CDNF: variants seen among roughly 807,000 people sequenced by gnomAD.
CDNF encodes ARMET-like protein 1.
A neutral mutation model predicts 14.8 loss-of-function variants in CDNF; 9 were observed. The observed-to-expected ratio is 0.61, with a 90% CI of 0.37 to 1.06. The LOEUF is 1.06. Among genes scored for constraint, CDNF ranks in the 50% least tolerant of loss-of-function variants. The probability of loss-of-function intolerance (pLI) is 0.01; values close to 1 mark genes in which losing one functional copy is unlikely to be tolerated. For missense variants in CDNF, 228 were observed against 228.4 expected (o/e 1.00, Z 0.01); for synonymous variants, 86 against 87.2 (o/e 0.99, Z 0.07).
At position 14,836,950 on chromosome 10, in the gene CDNF, A is replaced by C. The variant is rs189685206; in HGVS notation, c.115+882T>G. Among the ~76,000 whole-genome samples the C allele has an allele frequency of 1.0e-3, 157 of 152,274 alleles. 1 individual carries two copies. The highest frequency in any genetic ancestry group is 1.7e-3 in the Non-Finnish European group (118 of 68,028). On this transcript the variant is annotated intron_variant, in intron 1 of 3. Coordinates refer to ENST00000465530, the MANE Select transcript of CDNF (RefSeq NM_001029954.3). ...CTCAAAACAAAAACAAAAACAAAAA[A>C]CAAAACAACAAAACAAACAAAAACA...
At chr10:14,831,878 T>C (rs1418249590) in intron 1 of CDNF, among the ~76,000 whole-genome samples, 1 of 152,144 alleles carries the variant, frequency 6.6e-6, no homozygotes, top group Non-Finnish European at 1.5e-5. Flanking sequence ...CTAGCCCATA[T>C]ATTTTTATTT....
chr10:14,830,830 G>T (rs1833838535), intron 1 of CDNF, among the ~76,000 whole-genome samples: 1 of 152,144 alleles, frequency 6.6e-6, no homozygotes, highest in Non-Finnish European at 1.5e-5. Context: ...TGGGCGACAA[G>T]AGTGAAACTC....
In CDNF at chr10:14,837,815, G is replaced by C. The variant is rs901442962; in HGVS notation, c.115+17C>G. On this transcript the variant is annotated intron_variant, in intron 1 of 3. Coordinates refer to ENST00000465530, the MANE Select transcript of CDNF (RefSeq NM_001029954.3). ...GCGCGGGGCCGCCGCCATGCAAGCA[G>C]TTGTCACACCGCTCACCTTCACAGT... The C allele has an allele frequency of 2.0e-6, 3 of 1,513,614 alleles. No homozygotes were observed. Among genetic ancestry groups the C allele is most frequent in the Non-Finnish European group, 2.7e-6 (3 of 1,111,248 alleles). The allele number at this position is 1,513,614 out of a possible 1,614,324, so 93.8% of individuals were successfully genotyped here.
At chr10:14,826,774 T>C (rs1833800242) in intron 2 of CDNF, among the ~76,000 whole-genome samples, 1 of 152,196 alleles carries the variant, frequency 6.6e-6, no homozygotes, top group Non-Finnish European at 1.5e-5. Context: ...TATCTGTATT[T>C]TATACCCAAG....
At chr10:14,836,194 G>A (rs1467181155) in intron 1 of CDNF, 1 of 152,216 alleles carries the variant, frequency 6.6e-6, no homozygotes, top group Non-Finnish European at 1.5e-5. Context: ...GCTGAGGAGG[G>A]AGGATCACTC....
intron 3 of CDNF, among the ~76,000 whole-genome samples, chr10:14,823,004 T>C (rs1483350021): frequency 6.6e-6 from 1 of 152,202 alleles, no homozygotes; most frequent in Non-Finnish European, 1.5e-5. Flanking sequence ...TCCACACTTA[T>C]CTTGCTTGTT....
intron 1 of CDNF, among the ~76,000 whole-genome samples, chr10:14,832,431 T>G (rs567797040): frequency 6.6e-6 from 1 of 152,352 alleles, no homozygotes; most frequent in South Asian, 2.1e-4. Flanking sequence ...GATGTCACTC[T>G]GAGAAGGGAA....
rs1461550798 is a variant in CDNF, at chr10:14,819,531, T to C, written c.*449A>G. On this transcript the variant is annotated 3_prime_UTR_variant, in exon 4 of 4. Coordinates refer to ENST00000465530, the MANE Select transcript of CDNF (RefSeq NM_001029954.3). ...TACAATATAGAGTGAAAACAGAAAATTCACTTGAAAAAAACTTTTGATTCT... is the reference window on the plus strand; with the variant it reads ...TACAATATAGAGTGAAAACAGAAAACTCACTTGAAAAAAACTTTTGATTCT... The C allele has an allele frequency of 1.3e-5, 2 of 153,094 alleles. No individual in the cohort carries two copies. Among genetic ancestry groups the C allele is most frequent in the African/African-American group, 4.8e-5 (2 of 41,458 alleles). 9.5% of individuals were successfully genotyped at this position (153,094 alleles called of 1,614,324 possible). A position where few individuals can be genotyped will look rare whatever the true frequency, so the allele number is the denominator to read the frequency against.
chr10:14,824,486 A>C (rs1833762823), intron 3 of CDNF, among the ~76,000 whole-genome samples: 1 of 151,832 alleles, frequency 6.6e-6, no homozygotes, highest in Non-Finnish European at 1.5e-5. Context: ...CATGCCTGTA[A>C]TCCCAGCTAC....
chr10:14,822,480 G>A (rs1833745583), intron 3 of CDNF, among the ~76,000 whole-genome samples: 1 of 152,158 alleles, frequency 6.6e-6, no homozygotes, highest in Non-Finnish European at 1.5e-5. Flanking sequence ...GGAGGCTGAG[G>A]CAGGAGAATC....
intron 1 of CDNF, among the ~76,000 whole-genome samples, chr10:14,831,025 T>A (rs1833839815): frequency 6.6e-6 from 1 of 152,194 alleles, no homozygotes; most frequent in Admixed American, 6.5e-5. Context: ...TTATGAGTTA[T>A]CAAGAAAGTT....
chr10:14,826,482 A>AAAGAAGAAG (rs111933790), intron 2 of CDNF, among the ~76,000 whole-genome samples: 11 of 141,016 alleles, frequency 7.8e-5, no homozygotes, highest in African/African-American at 2.6e-4. Context: ...AGAAGAAGAA[A>AAAGAAGAAG]AAGAAGAAGA....
intron 3 of CDNF, among the ~76,000 whole-genome samples, chr10:14,824,367 A>T (rs1833761865): frequency 6.6e-6 from 1 of 152,128 alleles, no homozygotes; most frequent in Admixed American, 6.5e-5. Flanking sequence ...GCACTTTGAG[A>T]GGACAAGGCA....
chr10:14,825,056 C>T (rs1201603148), intron 3 of CDNF, among the ~76,000 whole-genome samples: 2 of 151,814 alleles, frequency 1.3e-5, no homozygotes, highest in East Asian at 1.9e-4. Context: ...CGGGTTCAAG[C>T]GATTCTCCTG....
intron 1 of CDNF, among the ~76,000 whole-genome samples, chr10:14,832,191 G>A (rs1264049776): frequency 6.6e-6 from 1 of 152,210 alleles, no homozygotes; most frequent in Admixed American, 6.5e-5. Flanking sequence ...ACACCTGAAG[G>A]AAGTGGAAGA....
intron 1 of CDNF, among the ~76,000 whole-genome samples, chr10:14,835,419 A>G (rs1833878419): frequency 1.3e-5 from 2 of 152,222 alleles, no homozygotes; most frequent in African/African-American, 4.8e-5. Flanking sequence ...CATGAAGAGA[A>G]GGCAGTCTCT....
chr10:14,825,701 C>T, intron 2 of CDNF, 81 bp from the exon 3 acceptor site: 1 of 1,467,030 alleles, frequency 6.8e-7, no homozygotes, highest in Non-Finnish European at 9.4e-7. Context: ...AATACAGTAT[C>T]AAGAAGAAAG....
At chr10:14,828,474 C>A (rs1292392710) in intron 1 of CDNF, among the ~76,000 whole-genome samples, 2 of 151,880 alleles carry the variant, frequency 1.3e-5, no homozygotes, top group Non-Finnish European at 2.9e-5. Flanking sequence ...TGGTGAAATC[C>A]TCTCTCTACT....
intron 1 of CDNF, among the ~76,000 whole-genome samples, chr10:14,832,852 C>CTTTTTTTTTTTTTTTTTT (rs918887413): frequency 9.9e-5 from 8 of 80,496 alleles, no homozygotes; most frequent in Admixed American, 1.6e-4. Context: ...TCTTTTTTTG[C>CTTTTTTTTTTTTTTTTTT]TTTTTTTTTT....
Sources: gnomAD v4.1 joint callset for allele counts (sites outside exome capture counted in the v4.1 genomes callset) on GRCh38, gnomAD v4.1.1 for gene constraint, MANE v1.5 for transcripts, NCBI Gene and HGNC (gene_info 2026-07-23, HGNC 2026-07-21) for gene names.